GDF11: variants seen among roughly 807,000 people sequenced by gnomAD.
GDF11 encodes growth differentiation factor 11.
Under a neutral mutation model 34.4 loss-of-function variants are expected in GDF11, and 12 were observed. The ratio of observed to expected loss-of-function variants is 0.35; its 90% CI spans 0.22 to 0.57. The LOEUF (loss-of-function observed/expected upper bound fraction) is 0.57. Among genes scored for constraint, GDF11 ranks in the 20% least tolerant of loss-of-function variants. GDF11 has a pLI of 0.86. For missense variants in GDF11, 346 were observed against 548.2 expected (o/e 0.63, Z 3.68); for synonymous variants, 212 against 231.1 (o/e 0.92, Z 0.75).
At position 55,749,574 on chromosome 12, in the gene GDF11, G is replaced by A. The variant is rs1444997099; in HGVS notation, c.916G>A (p.Glu306Lys). Residue 306 changes from glutamate (E) to lysine (K), a missense_variant, in exon 3 of 3, where the codon GAG becomes AAG. By Grantham distance (56) the Glu-to-Lys change is moderately conservative. Transcript: ENST00000257868. The surrounding 1 kb of genome is among the most constrained non-coding windows in gnomAD (Gnocchi z 5.6). The part of the protein sequence containing the change: ...SRRNLGLDCD[E>K]HSSESRCCRY... ...GCGGAACCTGGGTCTGGACTGCGACGAGCACTCAAGCGAGTCCCGCTGCTG... is the reference window on the plus strand; with the variant it reads ...GCGGAACCTGGGTCTGGACTGCGACAAGCACTCAAGCGAGTCCCGCTGCTG... The A allele has an allele frequency of 1.2e-5, 19 of 1,614,064 alleles. No homozygotes were observed. The highest frequency in any genetic ancestry group is 2.2e-5 in the East Asian group (1 of 44,874).
Position 55,752,761 on chromosome 12 carries a change from G to A in GDF11, c.*2879G>A, listed in dbSNP as rs1159261011. ...AAAAAGGCCATCAGGCAGTTTTCAA[G>A]TTATGTGACAGAGGGCAAAGACGGC... is the stretch of plus-strand genomic sequence containing the variant. On this transcript the variant is annotated 3_prime_UTR_variant, in exon 3 of 3. Coordinates refer to ENST00000257868, the MANE Select transcript of GDF11 (RefSeq NM_005811.5). 1 of 152,120 alleles carries A rather than the reference G, an allele frequency of 6.6e-6. No homozygotes were observed. The highest frequency in any genetic ancestry group is 1.5e-5 in the Non-Finnish European group (1 of 68,038). The allele number at this position is 152,120 out of a possible 1,614,324, so 9.4% of individuals were successfully genotyped here. A position where few individuals can be genotyped will look rare whatever the true frequency, so the allele number is the denominator to read the frequency against.
Position 55,748,079 on chromosome 12 carries a change from C to T in GDF11, c.446-507C>T, listed in dbSNP as rs1220742234. On this transcript the variant is annotated intron_variant, in intron 1 of 2. Coordinates refer to ENST00000257868, the MANE Select transcript of GDF11 (RefSeq NM_005811.5). The surrounding 1 kb of genome is among the most constrained non-coding windows in gnomAD (Gnocchi z 5.6). ...ATGGGATAAATTTAGCTCATGCTCC[C>T]TATCTGGACCCTGGGTTATCCCCTC... Among the ~76,000 whole-genome samples the T allele has an allele frequency of 6.6e-6, 1 of 152,216 alleles. No individual in the cohort carries two copies. The highest frequency in any genetic ancestry group is 1.5e-5 in the Non-Finnish European group (1 of 68,042).
chr12:55,748,728 G>T lies in GDF11; in HGVS notation c.588G>T (p.Gln196His). 1 of 1,614,262 alleles carries T rather than the reference G, an allele frequency of 6.2e-7. No homozygotes were observed. Among genetic ancestry groups the T allele is most frequent in the Non-Finnish European group, 8.5e-7 (1 of 1,180,040 alleles). ...CCCGCCCAGCCACAGTCTACCTGCAGATCTTGCGACTAAAACCCCTAACTG... is the reference window on the plus strand; with the variant it reads ...CCCGCCCAGCCACAGTCTACCTGCATATCTTGCGACTAAAACCCCTAACTG... ...PVPRPATVYLQILRLKPLTGE... is the reference protein window; with the variant it reads ...PVPRPATVYLHILRLKPLTGE... The change falls in exon 2 of 3, where the codon CAG becomes CAT. Residue 196 changes from glutamine to histidine, a missense_variant. Gln to His is a conservative substitution (Grantham distance 24, BLOSUM62 0). Transcript: ENST00000257868. The surrounding 1 kb of genome is among the most constrained non-coding windows in gnomAD (Gnocchi z 5.6).
In GDF11 at chr12:55,749,069, G is replaced by A; in HGVS notation, c.843+86G>A. ...ATTGGAAAAGGTAGACAAGGAATGTGAAGGAGGTTGGGGACCAGCATTACT... is the reference window on the plus strand; with the variant it reads ...ATTGGAAAAGGTAGACAAGGAATGTAAAGGAGGTTGGGGACCAGCATTACT... On this transcript the variant is annotated intron_variant, in intron 2 of 2. Coordinates refer to ENST00000257868, the MANE Select transcript of GDF11 (RefSeq NM_005811.5). This position sits in a 1 kb window ranked among gnomAD's most constrained non-coding sequence, Gnocchi z 5.6. The A allele has an allele frequency of 7.4e-7, 1 of 1,352,874 alleles. No individual in the cohort carries two copies. The highest frequency in any genetic ancestry group is 9.9e-7 in the Non-Finnish European group (1 of 1,011,934). The allele number at this position is 1,352,874 out of a possible 1,614,324, so 83.8% of individuals were successfully genotyped here. A position where few individuals can be genotyped will look rare whatever the true frequency, so the allele number is the denominator to read the frequency against.
Position 55,756,455 on chromosome 12 carries a change from C to G in GDF11, c.*6573C>G, listed in dbSNP as rs1381858875. On this transcript the variant is annotated 3_prime_UTR_variant, in exon 3 of 3. Coordinates refer to ENST00000257868, the MANE Select transcript of GDF11 (RefSeq NM_005811.5). ...CAAACTATTACCATTTCATTAAGCA[C>G]AAAACCAGGCAGGTTTTAGTAGAAA... The G allele has an allele frequency of 1.3e-5, 2 of 152,128 alleles. No individual in the cohort carries two copies. The highest frequency in any genetic ancestry group is 2.1e-4 in the South Asian group (1 of 4,816). The allele number at this position is 152,128 out of a possible 1,614,324, so 9.4% of individuals were successfully genotyped here.
In GDF11 at chr12:55,750,268, A is replaced by C; in HGVS notation, c.*386A>C. The C allele has an allele frequency of 2.2e-5, 4 of 179,404 alleles. No homozygotes were observed. Among genetic ancestry groups the C allele is most frequent in the Non-Finnish European group, 3.5e-5 (3 of 85,852 alleles). The allele number at this position is 179,404 out of a possible 1,614,324, so 11.1% of individuals were successfully genotyped here. A position where few individuals can be genotyped will look rare whatever the true frequency, so the allele number is the denominator to read the frequency against. On this transcript the variant is annotated 3_prime_UTR_variant, in exon 3 of 3. Coordinates refer to ENST00000257868, the MANE Select transcript of GDF11 (RefSeq NM_005811.5). Reference sequence around the variant, plus strand: ...GAAAGAGACTGAAATGGAGTAATAAATGAAAGCCCCACACCAAGCCTCCTT... The same window carrying C: ...GAAAGAGACTGAAATGGAGTAATAACTGAAAGCCCCACACCAAGCCTCCTT...
At position 55,743,406 on chromosome 12, in the gene GDF11, G is replaced by A; in HGVS notation, c.90G>A (p.Ala30=). The A allele has an allele frequency of 1.0e-6, 1 of 989,868 alleles. No individual in the cohort carries two copies. The highest frequency in any genetic ancestry group is 1.2e-6 in the Non-Finnish European group (1 of 832,996). The allele number at this position is 989,868 out of a possible 1,614,324, so 61.3% of individuals were successfully genotyped here. The part of the protein sequence containing the change: ...PRGEAAEGPA[A]AAAAAAAAAA... ...GGGAGGCGGCCGAGGGCCCCGCGGCGGCGGCGGCGGCGGCGGCGGCGGCGG... is the reference window on the plus strand; with the variant it reads ...GGGAGGCGGCCGAGGGCCCCGCGGCAGCGGCGGCGGCGGCGGCGGCGGCGG... Residue 30 remains alanine, a synonymous_variant, in exon 1 of 3, where the codon GCG becomes GCA. Transcript: ENST00000257868.
chr12:55,747,568 A>T (rs188443236), intron 1 of GDF11, among the ~76,000 whole-genome samples: 116 of 152,302 alleles, frequency 7.6e-4, no homozygotes, highest in Non-Finnish European at 1.2e-3. Flanking sequence ...CAATGGAGAC[A>T]TGTTGTAGGA....
rs1001672227 is a variant in GDF11 at position 55,743,445 on chromosome 12, C to A, written c.129C>A (p.Val43=). The change falls in exon 1 of 3, where the codon GTC becomes GTA. Residue 43 remains valine, a synonymous_variant. Transcript: ENST00000257868. ...CGGCGGCGGCGGCAGCGGCGGGGGT[C>A]GGGGGGGAGCGCTCCAGCCGGCCAG... is the stretch of plus-strand genomic sequence containing the variant. ...AAAAAAAAAG[V]GGERSSRPAP... is the part of the protein sequence containing the mutation. 2.0e-5 allele frequency: 24 copies of A among 1,212,272 alleles called. No homozygotes were observed. Among genetic ancestry groups the A allele is most frequent in the Non-Finnish European group, 2.4e-5 (23 of 973,496 alleles). The allele number at this position is 1,212,272 out of a possible 1,614,324, so 75.1% of individuals were successfully genotyped here. A position where few individuals can be genotyped will look rare whatever the true frequency, so the allele number is the denominator to read the frequency against.
intron 1 of GDF11, 50 bp downstream of exon 1, chr12:55,743,811 G>A: frequency 2.8e-6 from 4 of 1,411,838 alleles, no homozygotes; most frequent in Non-Finnish European, 3.8e-6. Context: ...CTGGCCCCGC[G>A]AAGGGCGCCT....
intron 1 of GDF11, among the ~76,000 whole-genome samples, chr12:55,747,105 GT>G (rs1322234732): frequency 6.6e-6 from 1 of 152,122 alleles, no homozygotes; most frequent in Non-Finnish European, 1.5e-5. Context: ...GCTGAAATTT[GT>G]AAAGTATGCT....
At chr12:55,744,646 C>A (rs3843621) in intron 1 of GDF11, among the ~76,000 whole-genome samples, 1 of 150,594 alleles carries the variant, frequency 6.6e-6, no homozygotes, top group East Asian at 2.0e-4. Context: ...ACTACACCCC[C>A]CCTTTTCCAG....
chr12:55,750,005 AAGCC>A lies in GDF11; in HGVS notation c.*124_*127del, dbSNP rs778828109. On this transcript the variant is annotated 3_prime_UTR_variant, in exon 3 of 3. Transcript: ENST00000257868. ...GCGAACATCACACCGTTCCCCGACC[AAGCC>A]GTGTGCAATACAACAGAGGGAGGCA... 8.1e-6 allele frequency: 7 copies of A among 860,450 alleles called. No individual in the cohort carries two copies. Among genetic ancestry groups the A allele is most frequent in the African/African-American group, 1.7e-5 (1 of 59,642 alleles). 53.3% of individuals were successfully genotyped at this position (860,450 alleles called of 1,614,324 possible).
chr12:55,749,576 G>A lies in GDF11; in HGVS notation c.918G>A (p.Glu306=), dbSNP rs1878259287. Residue 306 remains glutamate (E), a synonymous_variant, in exon 3 of 3, where the codon GAG becomes GAA. Coordinates refer to ENST00000257868, the MANE Select transcript of GDF11 (RefSeq NM_005811.5). The surrounding 1 kb of genome is among the most constrained non-coding windows in gnomAD (Gnocchi z 5.6). ...SRRNLGLDCD[E]HSSESRCCRY... ...GGAACCTGGGTCTGGACTGCGACGA[G>A]CACTCAAGCGAGTCCCGCTGCTGCC... The A allele has an allele frequency of 4.3e-6, 7 of 1,614,010 alleles. No individual in the cohort carries two copies. The South Asian group carries it at 7.7e-5, about 18-fold the overall frequency.
At chr12:55,745,904 A>C (rs915504313) in intron 1 of GDF11, among the ~76,000 whole-genome samples, 58 of 144,240 alleles carry the variant, frequency 4.0e-4, no homozygotes, top group Non-Finnish European at 5.3e-4. Context: ...TCTCCTCCCC[A>C]CACCAAGAGG....
rs1182382349 is a variant in GDF11, at chr12:55,748,421, G to A, written c.446-165G>A. On this transcript the variant is annotated intron_variant, in intron 1 of 2. Coordinates refer to ENST00000257868, the MANE Select transcript of GDF11 (RefSeq NM_005811.5). This position sits in a 1 kb window ranked among gnomAD's most constrained non-coding sequence, Gnocchi z 5.6. ...ATAGGGCCATCATCCTAAAGAGGAA[G>A]TGCTGTTTTAGGTACCGGAGACATG... Among the ~76,000 whole-genome samples, 2 of 152,214 alleles carry A rather than the reference G, an allele frequency of 1.3e-5. No individual in the cohort carries two copies. The highest frequency in any genetic ancestry group is 4.8e-5 in the African/African-American group (2 of 41,450).
intron 1 of GDF11, among the ~76,000 whole-genome samples, chr12:55,747,360 T>A (rs1308528306): frequency 6.7e-6 from 1 of 149,800 alleles, no homozygotes; most frequent in African/African-American, 2.5e-5. Flanking sequence ...TTTCTCCTCA[T>A]CTCCCTTAGA....
chr12:55,756,288 T>G lies in GDF11; in HGVS notation c.*6406T>G, dbSNP rs78380841. 1.2e-4 allele frequency: 18 copies of G among 152,184 alleles called. No individual in the cohort carries two copies. The highest frequency in any genetic ancestry group is 4.3e-4 in the African/African-American group (18 of 41,438). 9.4% of individuals were successfully genotyped at this position (152,184 alleles called of 1,614,324 possible). ...TCCAAAGTCTCAGAATGGGGCAAAC[T>G]TCACAACAAATGGGCAGCAGTTTTT... is the stretch of plus-strand genomic sequence containing the variant. On this transcript the variant is annotated 3_prime_UTR_variant, in exon 3 of 3. Coordinates refer to ENST00000257868, the MANE Select transcript of GDF11 (RefSeq NM_005811.5).
In GDF11 at chr12:55,744,358, G is replaced by A. The variant is rs114922260; in HGVS notation, c.445+597G>A. ...CCGGGTATCCCAAGGGGTCGGAAAAGCTGTGCCTTCTTGATACTGACCGAG... is the reference window on the plus strand; with the variant it reads ...CCGGGTATCCCAAGGGGTCGGAAAAACTGTGCCTTCTTGATACTGACCGAG... On this transcript the variant is annotated intron_variant, in intron 1 of 2. Transcript: ENST00000257868. Among the ~76,000 whole-genome samples the A allele has an allele frequency of 3.5e-3, 530 of 152,326 alleles. 2 individuals carry two copies. Among genetic ancestry groups the A allele is most frequent in the African/African-American group, 0.012 (512 of 41,570 alleles).
Sources: gnomAD v4.1 joint callset for allele counts (sites outside exome capture counted in the v4.1 genomes callset) on GRCh38, gnomAD v4.1.1 for gene constraint, Gnocchi (gnomAD v3.1) non-coding constraint, MANE v1.5 for transcripts, NCBI Gene and HGNC (gene_info 2026-07-23, HGNC 2026-07-21) for gene names.